Variants in DLGAP2 observed in about 807,000 individuals in gnomAD.
DLGAP2 encodes the protein disks large-associated protein 2.
DLGAP2 carries 26 observed loss-of-function variants against 100.3 expected under a neutral mutation model. The observed-to-expected ratio is 0.26, with a 90% confidence interval of 0.19 to 0.36. DLGAP2 has a LOEUF of 0.36. DLGAP2 is among the 10% of genes least tolerant of loss of function. DLGAP2 has a pLI of 1.00. For missense variants in DLGAP2, 1,858 were observed against 1,453.2 expected (o/e 1.28, Z -4.53); for synonymous variants, 886 against 630.1 (o/e 1.41, Z -6.08).
rs58497511 is a variant in DLGAP2 at position 1,548,829 on chromosome 8, G to A, written c.376G>A (p.Asp126Asn). The change falls in exon 5 of 15, where the codon GAC (aspartate) becomes AAC (asparagine). Residue 126 changes from aspartate (D) to asparagine (N), a missense_variant. Coordinates refer to ENST00000637795, the MANE Select transcript of DLGAP2 (RefSeq NM_001346810.2). ...GCCGCCCTACCTGCTGAGCCCCGCC[G>A]ACAGCTGCCCCGGGGGGCGCCACCG... ...ARPPYLLSPA[D>N]SCPGGRHRCS... 3.8e-6 allele frequency: 6 copies of A among 1,579,922 alleles called. No individual in the cohort carries two copies. The highest frequency in any genetic ancestry group is 1.7e-4 in the Middle Eastern group (1 of 5,826).
At chr8:1,075,635 T>C (rs1803581392) in intron 2 of DLGAP2, among the ~76,000 whole-genome samples, 1 of 152,178 alleles carries the variant, frequency 6.6e-6, no homozygotes. Flanking sequence ...GTGACGTCCT[T>C]GATGACCACT....
At chr8:1,067,499 C>T (rs1252369093) in intron 2 of DLGAP2, among the ~76,000 whole-genome samples, 6 of 152,100 alleles carry the variant, frequency 3.9e-5, no homozygotes, top group Admixed American at 6.5e-5. Flanking sequence ...CTGTCTCAGC[C>T]GTGCCGTCCT....
rs1479954452 is a variant in DLGAP2 at position 1,032,297 on chromosome 8, G to T, written c.73+124331G>T. ...CAGTGGGCGGCCGGCGGGCAGCCTG[G>T]GTCACAGCTGCACCCGCTCCAGTTG... On this transcript the variant is annotated intron_variant, in intron 2 of 14. Transcript: ENST00000637795. Among the ~76,000 whole-genome samples, 9 of 152,286 alleles carry T rather than the reference G, an allele frequency of 5.9e-5. No individual in the cohort carries two copies. The East Asian group carries it at 1.7e-3, about 30-fold the overall frequency.
At chr8:1,371,527 C>T (rs1036151011) in intron 3 of DLGAP2, among the ~76,000 whole-genome samples, 1 of 152,184 alleles carries the variant, frequency 6.6e-6, no homozygotes, top group Admixed American at 6.5e-5. Flanking sequence ...TTTGTGGCTT[C>T]TGTAATTGGA....
chr8:1,025,143 C>T (rs897668559), intron 2 of DLGAP2, among the ~76,000 whole-genome samples: 2 of 151,582 alleles, frequency 1.3e-5, no homozygotes, highest in Non-Finnish European at 1.5e-5. Context: ...TGTGTGTGTG[C>T]GTGTGTGTGT....
chr8:1,633,033 C>T lies in DLGAP2; in HGVS notation c.1797C>T (p.Ile599=), dbSNP rs367809240. 22 of 1,613,974 alleles carry T rather than the reference C, an allele frequency of 1.4e-5. 2 individuals are homozygous for T. The South Asian group carries it at 2.0e-4, about 15-fold the overall frequency. ...MMTPSDITST[I]RSTAAVSYTN... ...CACCCTCTGACATCACCTCCACCAT[C>T]AGGTCAACAGCAGGTAAGGGGACGC... The change falls in exon 8 of 15, where the codon ATC becomes ATT. Residue 599 remains isoleucine (I), a synonymous_variant. Transcript: ENST00000637795.
At chr8:1,343,938 C>A (rs899708613) in intron 3 of DLGAP2, among the ~76,000 whole-genome samples, 10 of 152,224 alleles carry the variant, frequency 6.6e-5, no homozygotes, top group Non-Finnish European at 1.5e-5. Flanking sequence ...AGGGCTTTCC[C>A]TCCTGGCCGA....
At chr8:789,155 G>A (rs148534393) in intron 1 of DLGAP2, among the ~76,000 whole-genome samples, 23 of 152,236 alleles carry the variant, frequency 1.5e-4, no homozygotes, top group African/African-American at 7.2e-5. Context: ...TTCTGTTCCC[G>A]TTACCATGTT....
chr8:827,462 C>T (rs78768939), intron 1 of DLGAP2, among the ~76,000 whole-genome samples: 5,626 of 152,204 alleles, frequency 0.037, 171 homozygotes, highest in Non-Finnish European at 0.058. Flanking sequence ...CTTACTCAAA[C>T]GGTTATTTCA....
At chr8:1,359,949 A>T (rs1801942166) in intron 3 of DLGAP2, among the ~76,000 whole-genome samples, 1 of 152,222 alleles carries the variant, frequency 6.6e-6, no homozygotes, top group Non-Finnish European at 1.5e-5. Flanking sequence ...GACCGTCCTG[A>T]GTTCGTGGAC....
chr8:1,287,882 CAT>C (rs1491381493), intron 3 of DLGAP2, among the ~76,000 whole-genome samples: 4 of 60,832 alleles, frequency 6.6e-5, no homozygotes, highest in East Asian at 5.9e-4. Context: ...TTTGGTTCAG[CAT>C]GTGTGTGTGT....
At chr8:1,701,021 G>T (rs78809768) in intron 14 of DLGAP2, among the ~76,000 whole-genome samples, 167 bp from the exon 15 acceptor site, 5 of 152,182 alleles carry the variant, frequency 3.3e-5, no homozygotes, top group African/African-American at 1.2e-4. Context: ...AGGCAGGCCT[G>T]TGGCCTGGGA....
intron 3 of DLGAP2, among the ~76,000 whole-genome samples, chr8:1,415,398 A>G (rs896760479): frequency 6.6e-6 from 1 of 152,048 alleles, no homozygotes; most frequent in African/African-American, 2.4e-5. Context: ...TTGAGGTGCA[A>G]ATGATCCCAT....
intron 1 of DLGAP2, among the ~76,000 whole-genome samples, chr8:879,906 C>T (rs1797754927): frequency 2.0e-5 from 3 of 152,198 alleles, no homozygotes; most frequent in African/African-American, 2.4e-5. Flanking sequence ...CATTCTCCTT[C>T]CGTGTCTCTC....
chr8:1,243,159 G>A lies in DLGAP2; in HGVS notation c.74-15692G>A, dbSNP rs150676045. ...GAGCACTGCATGGGAAAGGCAGGGC[G>A]TGCTCATGGAGCTCACATTAAGTGG... On this transcript the variant is annotated intron_variant, in intron 2 of 14. Coordinates refer to ENST00000637795, the MANE Select transcript of DLGAP2 (RefSeq NM_001346810.2). Among the ~76,000 whole-genome samples the A allele has an allele frequency of 6.3e-3, 952 of 152,278 alleles. 7 individuals carry two copies. Among genetic ancestry groups the A allele is most frequent in the Non-Finnish European group, 9.7e-3 (658 of 68,026 alleles).
intron 1 of DLGAP2, among the ~76,000 whole-genome samples, chr8:861,281 G>A (rs868813353): frequency 1.6e-4 from 25 of 152,174 alleles, no homozygotes; most frequent in Admixed American, 1.3e-3. Flanking sequence ...TGGGAGCTGC[G>A]TAGGTTAGGT....
At chr8:1,049,737 A>T (rs996841799) in intron 2 of DLGAP2, among the ~76,000 whole-genome samples, 2 of 150,188 alleles carry the variant, frequency 1.3e-5, no homozygotes, top group African/African-American at 5.1e-5. Context: ...GCACAGACAT[A>T]CATGAACAGA....
At chr8:1,043,760 G>C (rs909469880) in intron 2 of DLGAP2, among the ~76,000 whole-genome samples, 4 of 152,074 alleles carry the variant, frequency 2.6e-5, no homozygotes, top group Non-Finnish European at 4.4e-5. Flanking sequence ...CCAGGTTTCT[G>C]TGCATGGGGT....
intron 4 of DLGAP2, among the ~76,000 whole-genome samples, chr8:1,536,381 C>A (rs1354400500): frequency 6.6e-6 from 1 of 152,178 alleles, no homozygotes; most frequent in African/African-American, 2.4e-5. Flanking sequence ...ACCCGAGAAC[C>A]AATATCTTAT....
Sources: gnomAD v4.1 joint callset for allele counts (sites outside exome capture counted in the v4.1 genomes callset) on GRCh38, gnomAD v4.1.1 for gene constraint, MANE v1.5 for transcripts, NCBI Gene and HGNC (gene_info 2026-07-23, HGNC 2026-07-21) for gene names.